Variants in CREG1 observed in about 807,000 individuals in gnomAD.
CREG1 encodes protein CREG1.
CREG1 carries 20 observed loss-of-function variants against 19.9 expected under a neutral mutation model. The ratio of observed to expected loss-of-function variants is 1.01; its 90% CI spans 0.71 to 1.46. The LOEUF (loss-of-function observed/expected upper bound fraction) is 1.46, where lower values mean the gene tolerates loss of function less well. Ranked by LOEUF, CREG1 falls within the 40% of genes most tolerant of loss-of-function variation. The pLI, the probability that CREG1 is intolerant of heterozygous loss-of-function variation, is 0.00. For missense variants in CREG1, 290 were observed against 314.9 expected (o/e 0.92, Z 0.60); for synonymous variants, 141 against 143.3 (o/e 0.98, Z 0.12).
rs763907354 is a variant in CREG1, at chr1:167,546,120, ATTC to A, written c.637_639del (p.Glu213del). Reference sequence around the variant, plus strand: ...ACTTACTGAACTGTGACATTATAATATTCTTCTGGTGTCACGATTTTTGGTCCA... The same window carrying A: ...ACTTACTGAACTGTGACATTATAATATTCTGGTGTCACGATTTTTGGTCCA... On this transcript the variant is annotated inframe_deletion, in exon 3 of 4. Transcript: ENST00000370509. 659 of 1,605,464 alleles carry A rather than the reference ATTC, an allele frequency of 4.1e-4. No individual in the cohort carries two copies. The highest frequency in any genetic ancestry group is 5.1e-4 in the Non-Finnish European group (595 of 1,176,650).
chr1:167,546,422 T>C (rs1453039199), intron 2 of CREG1, 137 bp from the exon 3 acceptor site: 1 of 539,620 alleles, frequency 1.9e-6, no homozygotes, highest in African/African-American at 2.0e-5. Context: ...GGCGGGCGGA[T>C]CACGAGGTCA....
At chr1:167,542,975 C>T (rs1571623833) in intron 3 of CREG1, among the ~76,000 whole-genome samples, 2 of 152,116 alleles carry the variant, frequency 1.3e-5, no homozygotes, top group Non-Finnish European at 1.5e-5. Context: ...TGGGCGGGCG[C>T]GGTGGCTCAC....
At chr1:167,546,008 G>C in intron 3 of CREG1, 93 bp downstream of exon 3, 1 of 1,053,184 alleles carries the variant, frequency 9.5e-7, no homozygotes, top group South Asian at 1.7e-5. Flanking sequence ...AGGGTGTCCA[G>C]GGCACATGAA....
chr1:167,546,859 G>C (rs1258029701), intron 2 of CREG1, among the ~76,000 whole-genome samples: 1 of 152,242 alleles, frequency 6.6e-6, no homozygotes, highest in African/African-American at 2.4e-5. Flanking sequence ...GGCATTTTGA[G>C]CTATTAGAAT....
At position 167,546,553 on chromosome 1, in the gene CREG1, A is replaced by G. The variant is rs1196069105; in HGVS notation, c.475-268T>C. On this transcript the variant is annotated intron_variant, in intron 2 of 3. Coordinates refer to ENST00000370509, the MANE Select transcript of CREG1 (RefSeq NM_003851.3). Reference sequence around the variant, plus strand: ...GCTACTCAGGAGGCTGAGGCAGGAAAATGGCATGAACCCGGGAGGCGGAGC... The same window carrying G: ...GCTACTCAGGAGGCTGAGGCAGGAAGATGGCATGAACCCGGGAGGCGGAGC... Among the ~76,000 whole-genome samples, 3 of 152,146 alleles carry G rather than the reference A, an allele frequency of 2.0e-5. No individual in the cohort carries two copies. In the East Asian group the frequency reaches 5.8e-4, roughly 29 times the overall value.
At chr1:167,546,448 C>T (rs1485852734) in intron 2 of CREG1, among the ~76,000 whole-genome samples, 163 bp from the exon 3 acceptor site, 1 of 152,030 alleles carries the variant, frequency 6.6e-6, no homozygotes, top group Non-Finnish European at 1.5e-5. Flanking sequence ...CTCAGACCAT[C>T]TTGGCTAACA....
intron 3 of CREG1, among the ~76,000 whole-genome samples, chr1:167,542,904 T>C (rs570331559): frequency 1.1e-4 from 16 of 152,320 alleles, no homozygotes; most frequent in Admixed American, 9.8e-4. Flanking sequence ...AGCACAAACA[T>C]GCTGCTGCCC....
At chr1:167,551,277 C>T (rs889316150) in intron 1 of CREG1, among the ~76,000 whole-genome samples, 11 of 152,262 alleles carry the variant, frequency 7.2e-5, no homozygotes, top group African/African-American at 2.2e-4. Flanking sequence ...AACGATTTCA[C>T]CCCCTGTCAA....
At chr1:167,548,160 G>T in intron 1 of CREG1, 39 bp from the exon 2 acceptor site, 2 of 1,546,410 alleles carry the variant, frequency 1.3e-6, no homozygotes, top group South Asian at 2.3e-5. Context: ...TGTGAAATAT[G>T]GTTTCTGGAG....
chr1:167,551,167 G>C (rs1447588795), intron 1 of CREG1, among the ~76,000 whole-genome samples: 1 of 152,190 alleles, frequency 6.6e-6, no homozygotes, highest in Non-Finnish European at 1.5e-5. Flanking sequence ...CAGCCCAGTG[G>C]TAAGTACGTT....
At chr1:167,546,447 T>C (rs997332454) in intron 2 of CREG1, among the ~76,000 whole-genome samples, 162 bp from the exon 3 acceptor site, 2 of 151,830 alleles carry the variant, frequency 1.3e-5, no homozygotes, top group Non-Finnish European at 2.9e-5. Context: ...ACTCAGACCA[T>C]CTTGGCTAAC....
intron 2 of CREG1, among the ~76,000 whole-genome samples, chr1:167,547,445 G>C (rs1656348245): frequency 6.6e-6 from 1 of 152,156 alleles, no homozygotes; most frequent in Admixed American, 6.5e-5. Context: ...ATATACAGGA[G>C]CTTCATAGTT....
At position 167,544,372 on chromosome 1, in the gene CREG1, A is replaced by G. The variant is rs1656283345; in HGVS notation, c.659+1729T>C. Among the ~76,000 whole-genome samples the G allele has an allele frequency of 3.4e-5, 5 of 148,504 alleles. No homozygotes were observed. In the South Asian group the frequency reaches 8.5e-4, roughly 25 times the overall value. On this transcript the variant is annotated intron_variant, in intron 3 of 3. Transcript: ENST00000370509. ...GATTTCCAATCATGGTAGGGAGTCA[A>G]TAGTTCAACACGGAATTGTTCTACA...
At chr1:167,547,902 CAG>C in intron 2 of CREG1, 98 bp downstream of exon 2, 3 of 1,348,056 alleles carry the variant, frequency 2.2e-6, no homozygotes, top group Non-Finnish European at 2.0e-6. Context: ...GCCTGGGAGA[CAG>C]AGTGAGACTC....
chr1:167,546,646 A>G (rs1304101108), intron 2 of CREG1, among the ~76,000 whole-genome samples: 2 of 152,232 alleles, frequency 1.3e-5, no homozygotes. Context: ...CATCTCAAAA[A>G]AAAAAAAGAA....
At chr1:167,546,989 A>T (rs1274689879) in intron 2 of CREG1, among the ~76,000 whole-genome samples, 2 of 152,280 alleles carry the variant, frequency 1.3e-5, no homozygotes, top group Non-Finnish European at 2.9e-5. Context: ...AAAAATGTTT[A>T]GAAACCACAT....
In CREG1 at chr1:167,542,138, T is replaced by TGGTAAACAAGCA; in HGVS notation, c.*148_*159dup. 1.7e-6 allele frequency: 1 copy of TGGTAAACAAGCA among 590,230 alleles called. No individual in the cohort carries two copies. The highest frequency in any genetic ancestry group is 3.1e-5 in the East Asian group (1 of 32,782). The allele number at this position is 590,230 out of a possible 1,614,324, so 36.6% of individuals were successfully genotyped here. A position where few individuals can be genotyped will look rare whatever the true frequency, so the allele number is the denominator to read the frequency against. On this transcript the variant is annotated 3_prime_UTR_variant, in exon 4 of 4. Coordinates refer to ENST00000370509, the MANE Select transcript of CREG1 (RefSeq NM_003851.3). The stretch of plus-strand genomic sequence containing the variant: ...AAATCCAATAACAGGTCAACTCTAT[T>TGGTAAACAAGCA]GGTAAACAAGCAAGTAAACAAGCAA...
rs1402271676 is a variant in CREG1, at chr1:167,553,758, A to T, written c.-17T>A. The T allele has an allele frequency of 1.6e-6, 2 of 1,236,200 alleles. No individual in the cohort carries two copies. Among genetic ancestry groups the T allele is most frequent in the Non-Finnish European group, 2.0e-6 (2 of 978,180 alleles). The allele number at this position is 1,236,200 out of a possible 1,614,324, so 76.6% of individuals were successfully genotyped here. A position where few individuals can be genotyped will look rare whatever the true frequency, so the allele number is the denominator to read the frequency against. ...CCCGGCCATGGCGGTGTCTCCAGGA[A>T]GAGTCCCGGGCCCCAAGACCTGCAG... On this transcript the variant is annotated 5_prime_UTR_variant, in exon 1 of 4. Coordinates refer to ENST00000370509, the MANE Select transcript of CREG1 (RefSeq NM_003851.3).
chr1:167,548,253 A>C (rs1571626465), intron 1 of CREG1, 132 bp from the exon 2 acceptor site: 1 of 610,912 alleles, frequency 1.6e-6, no homozygotes. Flanking sequence ...ATAAAACATC[A>C]CCTTCCACTC....
Sources: allele counts gnomAD v4.1 joint callset (sites outside exome capture counted in the v4.1 genomes callset), GRCh38; gene constraint gnomAD v4.1.1; transcripts MANE v1.5; gene names NCBI Gene and HGNC (gene_info 2026-07-23, HGNC 2026-07-21).